Variants in SCN8A observed in about 807,000 individuals in gnomAD.
SCN8A encodes sodium channel protein type 8 subunit alpha.
SCN8A carries 30 observed loss-of-function variants against 184.1 expected under a neutral mutation model. The observed-to-expected ratio is 0.16, with a 90% CI of 0.12 to 0.22. The LOEUF (loss-of-function observed/expected upper bound fraction) is 0.22. Among genes scored for constraint, SCN8A ranks in the 10% least tolerant of loss-of-function variants. The pLI is 1.00. For missense variants in SCN8A, 1,057 were observed against 2,498.9 expected (o/e 0.42, Z 12.30); for synonymous variants, 852 against 907.0 (o/e 0.94, Z 1.09).
intron 14 of SCN8A, 71 bp downstream of exon 14, chr12:51,751,664 A>G: frequency 8.6e-7 from 1 of 1,160,832 alleles, no homozygotes; most frequent in Non-Finnish European, 1.3e-6. Flanking sequence ...TTTTTCTGGT[A>G]CTGAAAGCTG....
chr12:51,748,035 T>C (rs1409284732), intron 13 of SCN8A, among the ~76,000 whole-genome samples: 1 of 152,200 alleles, frequency 6.6e-6, no homozygotes, highest in Non-Finnish European at 1.5e-5. Context: ...ACCTCTCCCC[T>C]TGTATTTGAC....
chr12:51,620,836 A>T (rs1451314687), intron 1 of SCN8A, among the ~76,000 whole-genome samples: 1 of 151,972 alleles, frequency 6.6e-6, no homozygotes, highest in Non-Finnish European at 1.5e-5. Context: ...TAAAAAAAAA[A>T]AAAAATTAGG....
Position 51,769,069 on chromosome 12 carries a change from G to C in SCN8A, c.3106G>C (p.Glu1036Gln), listed in dbSNP as rs771314494. ...READEVKPLD[E>Q]LYEKKANCIA... The stretch of plus-strand genomic sequence containing the variant: ...GGCTGATGAGGTGAAGCCTCTGGAT[G>C]AGTTGTATGAAAAGAAGGCCAACTG... The change falls in exon 17 of 27, where the codon GAG becomes CAG. Residue 1036 changes from glutamate (E) to glutamine (Q), a missense_variant. This residue lies in a region of SCN8A where 178 missense variants were observed against 259.6 expected (regional missense o/e 0.69). Coordinates refer to ENST00000627620, the MANE Select transcript of SCN8A (RefSeq NM_001330260.2). The C allele has an allele frequency of 6.2e-7, 1 of 1,613,972 alleles. No homozygotes were observed. The highest frequency in any genetic ancestry group is 8.5e-7 in the Non-Finnish European group (1 of 1,179,874).
chr12:51,672,153 C>G (rs1941142981), intron 2 of SCN8A, among the ~76,000 whole-genome samples: 1 of 152,164 alleles, frequency 6.6e-6, no homozygotes, highest in South Asian at 2.1e-4. Context: ...CCTAATGAAT[C>G]CTCACTTGAC....
intron 11 of SCN8A, 145 bp downstream of exon 11, chr12:51,706,860 T>A: frequency 1.8e-6 from 1 of 549,354 alleles, no homozygotes; most frequent in East Asian, 3.3e-5. Context: ...TCCTCTTTCA[T>A]CCCCTCTATC....
chr12:51,789,126 C>T (rs991961050), intron 23 of SCN8A, among the ~76,000 whole-genome samples, 155 bp from the exon 24 acceptor site: 1 of 152,148 alleles, frequency 6.6e-6, no homozygotes, highest in African/African-American at 2.4e-5. Flanking sequence ...GCAGGCCATG[C>T]CAGTGTAGAG....
chr12:51,675,821 G>A (rs1330909108), intron 2 of SCN8A, among the ~76,000 whole-genome samples: 1 of 152,054 alleles, frequency 6.6e-6, no homozygotes, highest in Non-Finnish European at 1.5e-5. Context: ...GTTGTCTTGG[G>A]CAAGTTACTT....
chr12:51,769,448 A>G lies in SCN8A; in HGVS notation c.3372+113A>G, dbSNP rs1239239724. ...TGGTAGAGAGATTCTGGAATAACCAATTTACTTGGAGAACTAATTCCACCA... is the reference window on the plus strand; with the variant it reads ...TGGTAGAGAGATTCTGGAATAACCAGTTTACTTGGAGAACTAATTCCACCA... On this transcript the variant is annotated intron_variant, in intron 17 of 26. Coordinates refer to ENST00000627620, the MANE Select transcript of SCN8A (RefSeq NM_001330260.2). 12 of 712,034 alleles carry G rather than the reference A, an allele frequency of 1.7e-5. No homozygotes were observed. In the South Asian group the frequency reaches 1.7e-4, roughly 10 times the overall value. 44.1% of individuals were successfully genotyped at this position (712,034 alleles called of 1,614,324 possible).
In SCN8A at chr12:51,639,073, G is replaced by A. The variant is rs561325470; in HGVS notation, c.-54-23691G>A. Among the ~76,000 whole-genome samples, 13 of 151,250 alleles carry A rather than the reference G, an allele frequency of 8.6e-5. No homozygotes were observed. In the South Asian group the frequency reaches 1.9e-3, roughly 22 times the overall value. ...ATGGCTCACTGCAGCCTTGACCTCCGGGCTCAAGTGATCCTCCCACCCAGC... is the reference window on the plus strand; with the variant it reads ...ATGGCTCACTGCAGCCTTGACCTCCAGGCTCAAGTGATCCTCCCACCCAGC... On this transcript the variant is annotated intron_variant, in intron 1 of 26. Transcript: ENST00000627620.
intron 20 of SCN8A, among the ~76,000 whole-genome samples, chr12:51,776,190 A>G (rs1485281799): frequency 6.6e-6 from 1 of 152,102 alleles, no homozygotes; most frequent in Non-Finnish European, 1.5e-5. Context: ...GAGTTTCACC[A>G]TGTTGCCCAG....
intron 1 of SCN8A, among the ~76,000 whole-genome samples, chr12:51,660,178 G>C (rs1199822744): frequency 6.6e-6 from 1 of 152,176 alleles, no homozygotes; most frequent in Non-Finnish European, 1.5e-5. Flanking sequence ...GAGAGTGGGG[G>C]TGGAGATGTA....
chr12:51,644,761 C>A (rs1011115876), intron 1 of SCN8A, among the ~76,000 whole-genome samples: 1 of 151,850 alleles, frequency 6.6e-6, no homozygotes, highest in African/African-American at 2.4e-5. Flanking sequence ...AGCGTCTCTG[C>A]CCGGCCGCCA....
chr12:51,634,293 C>G (rs926584887), intron 1 of SCN8A, among the ~76,000 whole-genome samples: 1 of 152,160 alleles, frequency 6.6e-6, no homozygotes, highest in African/African-American at 2.4e-5. Context: ...ATACATAACC[C>G]TGCAAGAGAG....
At position 51,633,626 on chromosome 12, in the gene SCN8A, T is replaced by A. The variant is rs1396943657; in HGVS notation, c.-54-29138T>A. ...TAAGCATTATGGATGCCTCAGCACT[T>A]CCTCTGTTGCACATTAAACTTGAAG... On this transcript the variant is annotated intron_variant, in intron 1 of 26. Transcript: ENST00000627620. 4.6e-5 allele frequency among the ~76,000 whole-genome samples: 7 copies of A among 152,302 alleles called. No homozygotes were observed. The East Asian group carries it at 1.2e-3, about 25-fold the overall frequency.
chr12:51,712,950 T>A, intron 11 of SCN8A: 1 of 1,594,274 alleles, frequency 6.3e-7, no homozygotes, highest in East Asian at 2.2e-5. Flanking sequence ...AATTGCCAGA[T>A]CCACCTCCAC....
chr12:51,605,942 G>A (rs796228030), intron 1 of SCN8A, among the ~76,000 whole-genome samples: 5 of 151,864 alleles, frequency 3.3e-5, no homozygotes, highest in African/African-American at 1.2e-4. Context: ...TGATGGGATT[G>A]TTTGTTTTTT....
chr12:51,601,690 T>A (rs1011360900), intron 1 of SCN8A, among the ~76,000 whole-genome samples: 1 of 151,762 alleles, frequency 6.6e-6, no homozygotes, highest in Non-Finnish European at 1.5e-5. Flanking sequence ...CTGATGTGCT[T>A]TGTTCCTAGC....
intron 12 of SCN8A, among the ~76,000 whole-genome samples, chr12:51,743,579 A>C (rs1942460758): frequency 6.6e-6 from 1 of 152,174 alleles, no homozygotes; most frequent in Non-Finnish European, 1.5e-5. Context: ...GTGTTGATGT[A>C]AGCACCCCTC....
intron 13 of SCN8A, among the ~76,000 whole-genome samples, chr12:51,750,162 G>A (rs1353469481): frequency 6.6e-6 from 1 of 152,186 alleles, no homozygotes; most frequent in African/African-American, 2.4e-5. Flanking sequence ...CAGTCTGTGT[G>A]TATCAGAGTC....
Sources: allele counts gnomAD v4.1 joint callset (sites outside exome capture counted in the v4.1 genomes callset), GRCh38; gene constraint gnomAD v4.1.1; regional missense constraint gnomAD v4.1.1; transcripts MANE v1.5; gene names NCBI Gene and HGNC (gene_info 2026-07-23, HGNC 2026-07-21).